The following ANKRD13A variants were observed in gnomAD, a reference collection of about 807,000 sequenced individuals.
The protein encoded by ANKRD13A is ankyrin repeat domain-containing protein 13A.
ANKRD13A carries 48 observed loss-of-function variants against 81.3 expected under a neutral mutation model. The observed-to-expected ratio is 0.59, with a 90% CI of 0.47 to 0.75. The LOEUF (loss-of-function observed/expected upper bound fraction) is 0.75. ANKRD13A is among the 30% of genes least tolerant of loss of function. The pLI, the probability that ANKRD13A is intolerant of heterozygous loss-of-function variation, is 0.00. For synonymous variants in ANKRD13A, 230 were observed against 270.1 expected (o/e 0.85, Z 1.45); for missense variants, 612 against 734.0 (o/e 0.83, Z 1.92).
chr12:110,016,230 G>A (rs997931266), intron 3 of ANKRD13A, among the ~76,000 whole-genome samples, 158 bp from the exon 4 acceptor site: 4 of 151,608 alleles, frequency 2.6e-5, no homozygotes, highest in Admixed American at 6.6e-5. Context: ...TTACTGGCAT[G>A]AGCCACCTCA....
intron 6 of ANKRD13A, 90 bp from the exon 7 acceptor site, chr12:110,023,956 C>A: frequency 7.6e-7 from 1 of 1,320,938 alleles, no homozygotes; most frequent in African/African-American, 1.5e-5. Context: ...CTAACTTAAG[C>A]TGGGGGGGAA....
intron 3 of ANKRD13A, among the ~76,000 whole-genome samples, chr12:110,013,807 A>T (rs903540772): frequency 6.6e-6 from 1 of 151,660 alleles, no homozygotes; most frequent in African/African-American, 2.4e-5. Context: ...ATATAATAAT[A>T]TAATAATAAA....
intron 11 of ANKRD13A, 28 bp from the exon 12 acceptor site, chr12:110,030,617 T>A (rs1447800988): frequency 7.2e-7 from 1 of 1,387,624 alleles, no homozygotes; most frequent in Admixed American, 2.0e-5. Context: ...TAAAGTTTAC[T>A]TATAAAAGTT....
In ANKRD13A at chr12:110,018,517, GC is replaced by G. The variant is rs1890910880; in HGVS notation, c.544+30del. 6.3e-7 allele frequency: 1 copy of G among 1,598,920 alleles called. No homozygotes were observed. The highest frequency in any genetic ancestry group is 8.5e-7 in the Non-Finnish European group (1 of 1,170,086). On this transcript the variant is annotated intron_variant, in intron 5 of 14. Transcript: ENST00000261739. The surrounding 1 kb of genome is among the most constrained non-coding windows in gnomAD (Gnocchi z 4.4). ...AGTGACTTCTCTTGTAGTAATCACT[GC>G]TCAAGCAAAATTACAGGGTGATTTT... is the stretch of plus-strand genomic sequence containing the variant.
rs971655036 is a variant in ANKRD13A, at chr12:110,025,824, G to A, written c.883+1G>A. The A allele has an allele frequency of 1.2e-6, 2 of 1,612,686 alleles. No homozygotes were observed. Among genetic ancestry groups the A allele is most frequent in the Non-Finnish European group, 1.7e-6 (2 of 1,179,056 alleles). ...GAGGAGGAAAAAAAGAGATATAAAG[G>A]TAATCACCACCACCCTCCCACCTCC... On this transcript the variant is annotated splice_donor_variant, in intron 8 of 14. Transcript: ENST00000261739. LOFTEE classifies it high-confidence loss of function.
intron 6 of ANKRD13A, chr12:110,021,645 G>A (rs1390299679): frequency 6.6e-6 from 1 of 152,094 alleles, no homozygotes; most frequent in Non-Finnish European, 1.5e-5. Context: ...GGCTGGTCTT[G>A]AATTCCTGGC....
In ANKRD13A at chr12:109,999,712, C is replaced by T. The variant is rs372382362; in HGVS notation, c.24C>T (p.Gly8=). ...CCATGTCCTCGGCCTGCGACGCGGGCGACCACTACCCCCTGCACCTCCTAG... is the reference window on the plus strand; with the variant it reads ...CCATGTCCTCGGCCTGCGACGCGGGTGACCACTACCCCCTGCACCTCCTAG... MSSACDA[G]DHYPLHLLVW... Residue 8 remains glycine, a synonymous_variant, in exon 1 of 15, where the codon GGC becomes GGT. Transcript: ENST00000261739. This position sits in a 1 kb window ranked among gnomAD's most constrained non-coding sequence, Gnocchi z 4.3. The T allele has an allele frequency of 6.5e-4, 1,003 of 1,536,354 alleles. 3 individuals are homozygous for T. Among genetic ancestry groups the T allele is most frequent in the Non-Finnish European group, 8.3e-4 (941 of 1,140,008 alleles).
At chr12:110,019,407 T>C in intron 6 of ANKRD13A, 79 bp downstream of exon 6, 10 of 1,355,254 alleles carry the variant, frequency 7.4e-6, no homozygotes, top group Non-Finnish European at 9.9e-6. Flanking sequence ...TAATTGTAAA[T>C]TATGGATGGA....
In ANKRD13A at chr12:110,025,789, A is replaced by T; in HGVS notation, c.849A>T (p.Glu283Asp). The change falls in exon 8 of 15, where the codon GAA (glutamate) becomes GAT (aspartate). Residue 283 changes from glutamate (E) to aspartate (D), a missense_variant. Transcript: ENST00000261739. ...NVNVITKIRT[E>D]HLTEEEKKRY... The stretch of plus-strand genomic sequence containing the variant: ...ATGTGATCACCAAAATACGCACAGA[A>T]CATCTGACCGAGGAGGAAAAAAAGA... 1 of 1,613,992 alleles carries T rather than the reference A, an allele frequency of 6.2e-7. No individual in the cohort carries two copies. The highest frequency in any genetic ancestry group is 8.5e-7 in the Non-Finnish European group (1 of 1,179,968).
At chr12:110,034,438 A>G (rs1891901942) in intron 13 of ANKRD13A, among the ~76,000 whole-genome samples, 1 of 152,002 alleles carries the variant, frequency 6.6e-6, no homozygotes, top group African/African-American at 2.4e-5. Context: ...TGTAAGCAGT[A>G]GGCTTTGTGT....
At chr12:110,015,707 G>A (rs1021179108) in intron 3 of ANKRD13A, among the ~76,000 whole-genome samples, 8 of 151,814 alleles carry the variant, frequency 5.3e-5, no homozygotes, top group Admixed American at 1.3e-4. Flanking sequence ...CCACCATGCC[G>A]AGCTAATTTT....
chr12:110,025,910 G>C, intron 8 of ANKRD13A, 87 bp downstream of exon 8: 1 of 1,168,524 alleles, frequency 8.6e-7, no homozygotes, highest in Non-Finnish European at 1.2e-6. Flanking sequence ...TAAGTTTAGG[G>C]TTAATGTGAT....
At chr12:110,012,775 GAT>G (rs746978240) in intron 2 of ANKRD13A, among the ~76,000 whole-genome samples, 101 of 152,310 alleles carry the variant, frequency 6.6e-4, no homozygotes, top group African/African-American at 2.3e-3. Flanking sequence ...ACTGAGCAGG[GAT>G]ACTGTAGGCC....
intron 12 of ANKRD13A, among the ~76,000 whole-genome samples, chr12:110,031,358 T>A (rs910170611): frequency 7.3e-6 from 1 of 137,594 alleles, no homozygotes; most frequent in African/African-American, 2.6e-5. Flanking sequence ...GTTCAGTGCA[T>A]TTTTTTTTTT....
At chr12:110,016,858 C>T (rs1890829133) in intron 4 of ANKRD13A, among the ~76,000 whole-genome samples, 1 of 152,076 alleles carries the variant, frequency 6.6e-6, no homozygotes, top group Non-Finnish European at 1.5e-5. Flanking sequence ...CTGTAATCCT[C>T]ATCTCCCAGA....
intron 4 of ANKRD13A, among the ~76,000 whole-genome samples, chr12:110,016,925 A>G (rs957385868): frequency 3.9e-5 from 6 of 152,090 alleles, no homozygotes; most frequent in African/African-American, 1.2e-4. Flanking sequence ...GGTGCGCGCC[A>G]CTGTGCCCAG....
chr12:110,007,578 C>G (rs1393985744), intron 1 of ANKRD13A, among the ~76,000 whole-genome samples: 1 of 152,086 alleles, frequency 6.6e-6, no homozygotes, highest in Non-Finnish European at 1.5e-5. Flanking sequence ...TGGGGTTTCT[C>G]CATGTTGGTC....
intron 12 of ANKRD13A, 63 bp downstream of exon 12, chr12:110,030,821 G>A (rs547250781): frequency 6.9e-5 from 79 of 1,139,116 alleles, no homozygotes; most frequent in East Asian, 5.7e-4. Context: ...ATGGCCGGAC[G>A]TGGTGGCTTA....
intron 1 of ANKRD13A, among the ~76,000 whole-genome samples, chr12:110,009,476 T>G (rs887851815): frequency 2.6e-5 from 4 of 152,248 alleles, no homozygotes; most frequent in African/African-American, 9.6e-5. Context: ...CTCTCTTTTT[T>G]CCCTGGTCTA....
Sources: allele counts gnomAD v4.1 joint callset (sites outside exome capture counted in the v4.1 genomes callset), GRCh38; gene constraint gnomAD v4.1.1; non-coding constraint Gnocchi (gnomAD v3.1); transcripts MANE v1.5; gene names NCBI Gene and HGNC (gene_info 2026-07-23, HGNC 2026-07-21).